The following SESN3 variants were observed in gnomAD, a reference collection of about 807,000 sequenced individuals.
SESN3 encodes the protein sestrin-3.
A neutral mutation model predicts 55.3 loss-of-function variants in SESN3; 21 were observed. The observed-to-expected ratio is 0.38, with a 90% confidence interval of 0.27 to 0.55. The LOEUF (loss-of-function observed/expected upper bound fraction) is 0.55. SESN3 is among the 20% of genes least tolerant of loss of function. SESN3 has a pLI of 0.76. For synonymous variants in SESN3, 181 were observed against 203.1 expected, an observed-to-expected ratio of 0.89 and a Z score of 0.93; for missense variants, 408 against 604.3, an observed-to-expected ratio of 0.68 and a Z score of 3.41.
chr11:95,168,550 G>A lies in SESN3; in HGVS notation c.*4705C>T, dbSNP rs975260884. 6 of 152,116 alleles carry A rather than the reference G, an allele frequency of 3.9e-5. No homozygotes were observed. The highest frequency in any genetic ancestry group is 7.4e-5 in the Non-Finnish European group (5 of 68,022). The allele number at this position is 152,116 out of a possible 1,614,324, so 9.4% of individuals were successfully genotyped here. On this transcript the variant is annotated 3_prime_UTR_variant, in exon 10 of 10. Transcript: ENST00000536441. ...GATACTCTGAATTTATAGGCTCTTT[G>A]GGGATGAGGTAGAGGAGAGCAAGAT...
rs1237637022 is a variant in SESN3 at position 95,230,520 on chromosome 11, A to G, written c.78+263T>C. On this transcript the variant is annotated intron_variant, in intron 1 of 9. Transcript: ENST00000536441. This position sits in a 1 kb window ranked among gnomAD's most constrained non-coding sequence, Gnocchi z 4.6. ...GGTAGGGAAATGAGCCGTAAAGGAG[A>G]GCAAAGGCACCAAATAAAAGGAACA... 2 of 458,300 alleles carry G rather than the reference A, an allele frequency of 4.4e-6. No individual in the cohort carries two copies. Among genetic ancestry groups the G allele is most frequent in the East Asian group, 4.8e-5 (1 of 20,768 alleles). The allele number at this position is 458,300 out of a possible 1,614,324, so 28.4% of individuals were successfully genotyped here. A position where few individuals can be genotyped will look rare whatever the true frequency, so the allele number is the denominator to read the frequency against.
intron 1 of SESN3, among the ~76,000 whole-genome samples, chr11:95,216,097 CAA>C (rs1216457587): frequency 1.9e-5 from 1 of 51,414 alleles, no homozygotes. Flanking sequence ...GACTCCATCT[CAA>C]AAAAAAAAAA....
At chr11:95,222,794 C>G (rs1427288810) in intron 1 of SESN3, among the ~76,000 whole-genome samples, 1 of 152,106 alleles carries the variant, frequency 6.6e-6, no homozygotes, top group African/African-American at 2.4e-5. Context: ...AGTCTTTCTT[C>G]AGATTTTTGA....
intron 1 of SESN3, among the ~76,000 whole-genome samples, chr11:95,216,305 G>A (rs896652792): frequency 6.6e-6 from 1 of 152,072 alleles, no homozygotes; most frequent in Non-Finnish European, 1.5e-5. Flanking sequence ...ACTCCTCTTT[G>A]ACAGTCATGT....
In SESN3 at chr11:95,231,154, AGCCGCCACC is replaced by A. The variant is rs1299909534; in HGVS notation, c.-303_-295del. 1.4e-5 allele frequency: 4 copies of A among 282,490 alleles called. No homozygotes were observed. Among genetic ancestry groups the A allele is most frequent in the Non-Finnish European group, 2.5e-5 (4 of 157,508 alleles). 17.5% of individuals were successfully genotyped at this position (282,490 alleles called of 1,614,324 possible). A position where few individuals can be genotyped will look rare whatever the true frequency, so the allele number is the denominator to read the frequency against. On this transcript the variant is annotated 5_prime_UTR_variant, in exon 1 of 10. Coordinates refer to ENST00000536441, the MANE Select transcript of SESN3 (RefSeq NM_144665.4). ...CCGCCCCCGCCAGGCTAGGACGAGCAGCCGCCACCGCTGCCACCGCCACCACCGCCGCCG... is the reference window on the plus strand; with the variant it reads ...CCGCCCCCGCCAGGCTAGGACGAGCAGCTGCCACCGCCACCACCGCCGCCG...
At chr11:95,193,012 T>C (rs1286562330) in intron 2 of SESN3, among the ~76,000 whole-genome samples, 6 of 152,060 alleles carry the variant, frequency 3.9e-5, no homozygotes, top group Non-Finnish European at 5.9e-5. Context: ...CTTCAGGAAG[T>C]CTTTATATGT....
chr11:95,176,629 C>T (rs1019694453), intron 8 of SESN3, among the ~76,000 whole-genome samples: 1 of 152,096 alleles, frequency 6.6e-6, no homozygotes, highest in South Asian at 2.1e-4. Flanking sequence ...GTTACATTTT[C>T]AGTTAATTTT....
chr11:95,178,133 C>T (rs1228463841), intron 7 of SESN3, among the ~76,000 whole-genome samples: 1 of 152,146 alleles, frequency 6.6e-6, no homozygotes, highest in Non-Finnish European at 1.5e-5. Context: ...TAGTGATGAA[C>T]TCTGGTCATC....
chr11:95,173,119 A>AACC lies in SESN3; in HGVS notation c.*135_*136insGGT. On this transcript the variant is annotated 3_prime_UTR_variant, in exon 10 of 10. Coordinates refer to ENST00000536441, the MANE Select transcript of SESN3 (RefSeq NM_144665.4). ...ATTGCACATTACAGCCGCAAAAAAC[A>AACC]AAAAAAAAAAAACAAACGGCTAAAC... 1.1e-5 allele frequency: 3 copies of AACC among 263,706 alleles called. No individual in the cohort carries two copies. The highest frequency in any genetic ancestry group is 2.2e-5 in the Non-Finnish European group (3 of 139,014). The allele number at this position is 263,706 out of a possible 1,614,324, so 16.3% of individuals were successfully genotyped here.
intron 1 of SESN3, chr11:95,224,471 T>C (rs1208390708): frequency 9.1e-6 from 4 of 437,338 alleles, no homozygotes; most frequent in Non-Finnish European, 1.8e-5. Context: ...TATGCTCTAA[T>C]TGGCTGCTCT....
intron 4 of SESN3, among the ~76,000 whole-genome samples, chr11:95,186,881 T>TA (rs569438195): frequency 5.9e-5 from 9 of 152,070 alleles, no homozygotes; most frequent in Admixed American, 1.3e-4. Context: ...TGTATGTACC[T>TA]AACCTTGTAG....
intron 1 of SESN3, among the ~76,000 whole-genome samples, chr11:95,196,083 C>T (rs181759141): frequency 2.6e-5 from 4 of 152,066 alleles, no homozygotes; most frequent in East Asian, 3.9e-4. Context: ...AAATATGGCC[C>T]GACCTAAAAT....
chr11:95,214,289 A>G (rs574471542), intron 1 of SESN3, among the ~76,000 whole-genome samples: 4 of 152,242 alleles, frequency 2.6e-5, no homozygotes, highest in Non-Finnish European at 5.9e-5. Context: ...TGTTATTCAC[A>G]TAAGTAACAT....
At chr11:95,219,856 G>GCT (rs1860827336) in intron 1 of SESN3, among the ~76,000 whole-genome samples, 2 of 151,896 alleles carry the variant, frequency 1.3e-5, no homozygotes, top group Non-Finnish European at 2.9e-5. Flanking sequence ...CAGGATATAT[G>GCT]TTCCTCTGGA....
intron 1 of SESN3, among the ~76,000 whole-genome samples, chr11:95,207,814 T>C (rs1446392395): frequency 2.0e-5 from 3 of 151,140 alleles, no homozygotes; most frequent in African/African-American, 4.9e-5. Context: ...CAATGTTCTA[T>C]ACTATATGTT....
intron 1 of SESN3, among the ~76,000 whole-genome samples, chr11:95,207,146 A>G (rs1565471782): frequency 1.0e-5 from 1 of 95,514 alleles, no homozygotes; most frequent in Non-Finnish European, 2.5e-5. Context: ...AGGCATTCTA[A>G]GTTTAAAACA....
chr11:95,225,648 G>C (rs142159118), intron 1 of SESN3, among the ~76,000 whole-genome samples: 5 of 152,154 alleles, frequency 3.3e-5, no homozygotes, highest in African/African-American at 1.2e-4. Flanking sequence ...CAGTTTGTGA[G>C]AATCAACTGA....
intron 1 of SESN3, among the ~76,000 whole-genome samples, chr11:95,208,721 T>C (rs1458913591): frequency 6.6e-6 from 1 of 151,290 alleles, no homozygotes; most frequent in African/African-American, 2.4e-5. Flanking sequence ...CTAAAACAGA[T>C]ATATAGACCA....
At chr11:95,232,361 T>C (rs1861088457), upstream of SESN3, 1 of 152,052 alleles carries the variant, frequency 6.6e-6, no homozygotes. Context: ...TGCTCCCGAG[T>C]GAGAACAAAG....
Sources: allele counts gnomAD v4.1 joint callset (sites outside exome capture counted in the v4.1 genomes callset), GRCh38; gene constraint gnomAD v4.1.1; non-coding constraint Gnocchi (gnomAD v3.1); transcripts MANE v1.5; gene names NCBI Gene and HGNC (gene_info 2026-07-23, HGNC 2026-07-21).